Variants in ULK4 observed in about 807,000 individuals in gnomAD.
The protein encoded by ULK4 is unc-51 like kinase 4.
ULK4 carries 133 observed loss-of-function variants against 160.6 expected under a neutral mutation model. The observed-to-expected ratio is 0.83, with a 90% confidence interval of 0.72 to 0.96. The LOEUF (loss-of-function observed/expected upper bound fraction) is 0.96, where lower values mean the gene tolerates loss of function less well. Ranked by LOEUF, ULK4 falls within the 40% of genes least tolerant of loss-of-function variation. The pLI is 0.00. For missense variants in ULK4, 1,580 were observed against 1,499.5 expected (o/e 1.05, Z -0.89); for synonymous variants, 534 against 539.8 (o/e 0.99, Z 0.15).
intron 30 of ULK4, among the ~76,000 whole-genome samples, chr3:41,659,994 A>G (rs1051664734): frequency 1.3e-5 from 2 of 152,174 alleles, no homozygotes; most frequent in Non-Finnish European, 2.9e-5. Context: ...GTTGTGTATA[A>G]AAGAAACAAA....
chr3:41,734,172 T>G (rs989251895), intron 22 of ULK4, among the ~76,000 whole-genome samples: 1 of 152,132 alleles, frequency 6.6e-6, no homozygotes, highest in Admixed American at 6.5e-5. Context: ...ATTGGCTTGG[T>G]TGGGGCAGTC....
rs377032632 is a variant in ULK4, at chr3:41,715,226, G to C, written c.2634+11C>G. Reference sequence around the variant, plus strand: ...TTTTATTAGAAACAAGGAAAATTTCGTGTTACTCACAAGAATAGTTCCATA... The same window carrying C: ...TTTTATTAGAAACAAGGAAAATTTCCTGTTACTCACAAGAATAGTTCCATA... On this transcript the variant is annotated intron_variant, in intron 25 of 36. Transcript: ENST00000301831. 6.2e-7 allele frequency: 1 copy of C among 1,608,892 alleles called. No individual in the cohort carries two copies. The highest frequency in any genetic ancestry group is 8.5e-7 in the Non-Finnish European group (1 of 1,178,762).
At chr3:41,826,116 T>G (rs2041340226) in intron 18 of ULK4, among the ~76,000 whole-genome samples, 1 of 152,074 alleles carries the variant, frequency 6.6e-6, no homozygotes, top group Admixed American at 6.6e-5. Flanking sequence ...TTTTGACAGA[T>G]TTTGACACCA....
At chr3:41,252,188 A>T (rs548066666) in intron 35 of ULK4, among the ~76,000 whole-genome samples, 59 of 152,338 alleles carry the variant, frequency 3.9e-4, no homozygotes, top group African/African-American at 1.3e-3. Context: ...AGTATTTAAC[A>T]AGACAGGGTC....
intron 22 of ULK4, among the ~76,000 whole-genome samples, chr3:41,722,130 C>T (rs985437651): frequency 5.9e-5 from 9 of 152,180 alleles, no homozygotes; most frequent in African/African-American, 1.9e-4. Context: ...TAAATGAATG[C>T]GGTAAATTCT....
At chr3:41,677,160 T>C (rs1248993491) in intron 29 of ULK4, among the ~76,000 whole-genome samples, 3 of 151,668 alleles carry the variant, frequency 2.0e-5, no homozygotes, top group Non-Finnish European at 4.4e-5. Flanking sequence ...CCACCCACCT[T>C]GGCCTCCCAA....
intron 17 of ULK4, among the ~76,000 whole-genome samples, chr3:41,852,413 T>C (rs1328092139): frequency 6.6e-6 from 1 of 152,030 alleles, no homozygotes; most frequent in Non-Finnish European, 1.5e-5. Flanking sequence ...AAATCTATAG[T>C]TCAAAATTAA....
At chr3:41,334,688 A>G (rs2125744189) in intron 35 of ULK4, among the ~76,000 whole-genome samples, 1 of 152,326 alleles carries the variant, frequency 6.6e-6, no homozygotes, top group South Asian at 2.1e-4. Flanking sequence ...ATACCATTAA[A>G]ACAAAGAGTT....
intron 27 of ULK4, among the ~76,000 whole-genome samples, chr3:41,689,675 AAC>A (rs888513067): frequency 3.8e-4 from 58 of 152,358 alleles, no homozygotes; most frequent in African/African-American, 1.3e-3. Context: ...ATGCAGCTAA[AAC>A]ACACATGAAA....
chr3:41,908,027 G>T, intron 11 of ULK4, 86 bp from the exon 12 acceptor site: 1 of 907,280 alleles, frequency 1.1e-6, no homozygotes, highest in Non-Finnish European at 1.6e-6. Flanking sequence ...CAAGTCTCAT[G>T]AAAAATGGTA....
chr3:41,495,845 C>G (rs918588671), intron 32 of ULK4, among the ~76,000 whole-genome samples: 3 of 151,802 alleles, frequency 2.0e-5, no homozygotes, highest in African/African-American at 7.3e-5. Flanking sequence ...TCATCACTGG[C>G]CATCAGAGAA....
At chr3:41,578,792 A>T (rs2029934219) in intron 31 of ULK4, among the ~76,000 whole-genome samples, 1 of 152,226 alleles carries the variant, frequency 6.6e-6, no homozygotes, top group Non-Finnish European at 1.5e-5. Flanking sequence ...TGGGAATAAT[A>T]AGGAAATTCT....
intron 17 of ULK4, among the ~76,000 whole-genome samples, chr3:41,863,352 C>T (rs1040440943): frequency 1.3e-5 from 2 of 152,154 alleles, no homozygotes; most frequent in African/African-American, 2.4e-5. Context: ...CAGTGGGCTC[C>T]CCCTCTGGCC....
chr3:41,895,983 A>G (rs1698136803), intron 15 of ULK4, among the ~76,000 whole-genome samples: 1 of 152,214 alleles, frequency 6.6e-6, no homozygotes, highest in African/African-American at 2.4e-5. Flanking sequence ...CGATGCTTAA[A>G]CATGAGCCAA....
chr3:41,689,916 T>C, intron 27 of ULK4, among the ~76,000 whole-genome samples: 1 of 148,982 alleles, frequency 6.7e-6, no homozygotes, highest in Non-Finnish European at 1.5e-5. Context: ...AGAAATACCA[T>C]TTGACCCAGC....
chr3:41,546,767 T>TAAAA (rs1158675738), intron 32 of ULK4, among the ~76,000 whole-genome samples: 2 of 32,538 alleles, frequency 6.1e-5, no homozygotes, highest in East Asian at 7.9e-4. Context: ...CCTAGGCCCT[T>TAAAA]AAAAAAAAAA....
At chr3:41,708,322 G>A (rs1444384170) in intron 25 of ULK4, among the ~76,000 whole-genome samples, 1 of 152,134 alleles carries the variant, frequency 6.6e-6, no homozygotes, top group Non-Finnish European at 1.5e-5. Context: ...TTTTTTAAAT[G>A]TGGCAAATAT....
intron 32 of ULK4, among the ~76,000 whole-genome samples, chr3:41,540,036 G>A (rs770467391): frequency 6.6e-6 from 1 of 152,070 alleles, no homozygotes; most frequent in African/African-American, 2.4e-5. Context: ...TTAATGGAAT[G>A]AAAATAAGTA....
At chr3:41,519,016 G>T (rs1366766040) in intron 32 of ULK4, among the ~76,000 whole-genome samples, 2 of 152,170 alleles carry the variant, frequency 1.3e-5, no homozygotes, top group East Asian at 3.9e-4. Flanking sequence ...GGAGCTAGAA[G>T]GGGCTCTAGA....
Sources: gnomAD v4.1 joint callset for allele counts (sites outside exome capture counted in the v4.1 genomes callset) on GRCh38, gnomAD v4.1.1 for gene constraint, MANE v1.5 for transcripts, NCBI Gene and HGNC (gene_info 2026-07-23, HGNC 2026-07-21) for gene names.